The following HECW1 variants were observed in gnomAD, a reference collection of about 807,000 sequenced individuals.
HECW1 encodes the protein E3 ubiquitin-protein ligase HECW1.
HECW1 carries 61 observed loss-of-function variants against 182.3 expected under a neutral mutation model. That is an observed-to-expected ratio of 0.33 (90% CI 0.27 to 0.41). HECW1 has a LOEUF of 0.41. HECW1 is among the 10% of genes least tolerant of loss of function. The probability of loss-of-function intolerance (pLI) is 1.00; values close to 1 mark genes in which losing one functional copy is unlikely to be tolerated. For synonymous variants in HECW1, 859 were observed against 832.6 expected, an observed-to-expected ratio of 1.03 and a Z score of -0.55; for missense variants, 1,739 against 2,108.9, an observed-to-expected ratio of 0.82 and a Z score of 3.44.
At chr7:43,250,948 C>T (rs1436186668) in intron 3 of HECW1, among the ~76,000 whole-genome samples, 1 of 152,190 alleles carries the variant, frequency 6.6e-6, no homozygotes, top group Non-Finnish European at 1.5e-5. Context: ...ACAACTCCTA[C>T]TTAGCTCACC....
At chr7:43,331,406 T>C (rs1584505507) in intron 5 of HECW1, among the ~76,000 whole-genome samples, 1 of 151,600 alleles carries the variant, frequency 6.6e-6, no homozygotes, top group Admixed American at 6.6e-5. Context: ...CTGGCTAACA[T>C]GGTGAAACCC....
chr7:43,550,387 C>G, intron 26 of HECW1, 58 bp from the exon 27 acceptor site: 1 of 1,591,614 alleles, frequency 6.3e-7, no homozygotes, highest in Non-Finnish European at 8.6e-7. Context: ...AATCAGTGTG[C>G]CTCCCTGAGA....
chr7:43,374,773 C>CAAAAAAAAAAAA (rs66910107), intron 6 of HECW1, among the ~76,000 whole-genome samples: 2 of 14,496 alleles, frequency 1.4e-4, no homozygotes, highest in Non-Finnish European at 1.8e-4. Context: ...GACTCCGTCT[C>CAAAAAAAAAAAA]AAAAAAAAAA....
chr7:43,355,046 GC>G (rs1180128490), intron 5 of HECW1, among the ~76,000 whole-genome samples: 1 of 146,534 alleles, frequency 6.8e-6, no homozygotes, highest in Non-Finnish European at 1.5e-5. Flanking sequence ...AAAAAAAACT[GC>G]CTCCCAGGAA....
At position 43,151,211 on chromosome 7, in the gene HECW1, C is replaced by T. The variant is rs1371141950; in HGVS notation, c.-32+36820C>T. Among the ~76,000 whole-genome samples the T allele has an allele frequency of 3.3e-5, 5 of 152,156 alleles. No individual in the cohort carries two copies. The East Asian group carries it at 7.7e-4, about 23-fold the overall frequency. On this transcript the variant is annotated intron_variant, in intron 2 of 29. Transcript: ENST00000395891. Reference sequence around the variant, plus strand: ...AAAATTCCCAACTGGGTGCAGCTGGCTACACCTTTTCTTCCCCAGGTGACA... The same window carrying T: ...AAAATTCCCAACTGGGTGCAGCTGGTTACACCTTTTCTTCCCCAGGTGACA...
chr7:43,520,183 G>C (rs2152937747), intron 24 of HECW1, among the ~76,000 whole-genome samples: 1 of 152,282 alleles, frequency 6.6e-6, no homozygotes, highest in East Asian at 1.9e-4. Flanking sequence ...CTACACATGA[G>C]CTCCTGGCAT....
intron 14 of HECW1, 94 bp downstream of exon 14, chr7:43,463,893 T>C (rs2077670952): frequency 7.1e-7 from 1 of 1,416,830 alleles, no homozygotes; most frequent in Non-Finnish European, 9.8e-7. Context: ...TGGGGAGCAA[T>C]GTGCCCCAGG....
At chr7:43,327,343 T>TC (rs1005608201) in intron 5 of HECW1, among the ~76,000 whole-genome samples, 3 of 151,898 alleles carry the variant, frequency 2.0e-5, no homozygotes, top group Admixed American at 6.6e-5. Flanking sequence ...AAACCAAGAC[T>TC]CCCCCCACCG....
At position 43,565,291 on chromosome 7, in the gene HECW1, A is replaced by C. The variant is rs1015603874; in HGVS notation, c.*3365A>C. 3.4e-5 allele frequency: 7 copies of C among 207,206 alleles called. No individual in the cohort carries two copies. Among genetic ancestry groups the C allele is most frequent in the African/African-American group, 1.6e-4 (7 of 43,880 alleles). 12.8% of individuals were successfully genotyped at this position (207,206 alleles called of 1,614,324 possible). A position where few individuals can be genotyped will look rare whatever the true frequency, so the allele number is the denominator to read the frequency against. Reference sequence around the variant, plus strand: ...GAAAAAGAGACATATGATTTGGGGGAGCAGGCGTTAAACATGCAAGATCTA... The same window carrying C: ...GAAAAAGAGACATATGATTTGGGGGCGCAGGCGTTAAACATGCAAGATCTA... On this transcript the variant is annotated 3_prime_UTR_variant, in exon 30 of 30. Transcript: ENST00000395891.
rs796382271 is a variant in HECW1, at chr7:43,112,952, C to G, written c.-267+15C>G. ...GGGCTGCCAAGGTAAGCGGGCGTAGCGCGGGGACACTGTCTGCCGCCCCTT... is the reference window on the plus strand; with the variant it reads ...GGGCTGCCAAGGTAAGCGGGCGTAGGGCGGGGACACTGTCTGCCGCCCCTT... On this transcript the variant is annotated intron_variant, in intron 1 of 29. Coordinates refer to ENST00000395891, the MANE Select transcript of HECW1 (RefSeq NM_015052.5). The G allele has an allele frequency of 6.6e-5, 14 of 210,566 alleles. No homozygotes were observed. The highest frequency in any genetic ancestry group is 2.9e-4 in the African/African-American group (13 of 44,074). 13.0% of individuals were successfully genotyped at this position (210,566 alleles called of 1,614,324 possible). A position where few individuals can be genotyped will look rare whatever the true frequency, so the allele number is the denominator to read the frequency against.
chr7:43,272,323 G>T (rs1802506920), intron 3 of HECW1, among the ~76,000 whole-genome samples: 1 of 152,044 alleles, frequency 6.6e-6, no homozygotes, highest in Admixed American at 6.6e-5. Flanking sequence ...AAAAACAAAA[G>T]TTGACAAGTG....
At chr7:43,274,268 A>G (rs1008126426) in intron 3 of HECW1, 3 of 981,224 alleles carry the variant, frequency 3.1e-6, no homozygotes, top group Non-Finnish European at 4.4e-6. Flanking sequence ...CGCCTAAATC[A>G]TGTCGTCGCC....
chr7:43,339,500 A>C (rs867339500), intron 5 of HECW1, among the ~76,000 whole-genome samples: 32 of 152,306 alleles, frequency 2.1e-4, no homozygotes, highest in Middle Eastern at 6.8e-3. Flanking sequence ...GCTGTACTTA[A>C]TATATCCATT....
At chr7:43,115,209 T>C (rs1475306258) in intron 2 of HECW1, among the ~76,000 whole-genome samples, 1 of 152,008 alleles carries the variant, frequency 6.6e-6, no homozygotes, top group Non-Finnish European at 1.5e-5. Context: ...GACTGTAGAA[T>C]CTGCGGCTTA....
intron 2 of HECW1, among the ~76,000 whole-genome samples, chr7:43,203,644 G>A (rs551290823): frequency 6.6e-6 from 1 of 152,232 alleles, no homozygotes; most frequent in South Asian, 2.1e-4. Context: ...TTTTAGTAGA[G>A]ACAGGGTTTC....
intron 2 of HECW1, among the ~76,000 whole-genome samples, chr7:43,176,237 C>T (rs1285964640): frequency 1.3e-5 from 2 of 152,124 alleles, no homozygotes; most frequent in African/African-American, 2.4e-5. Flanking sequence ...AAGAAACTCT[C>T]AATGTCTCCT....
intron 2 of HECW1, among the ~76,000 whole-genome samples, chr7:43,220,711 T>C (rs1796867765): frequency 6.6e-6 from 1 of 152,234 alleles, no homozygotes. Flanking sequence ...GCTGAGCAGG[T>C]ACATTAAAGA....
intron 24 of HECW1, among the ~76,000 whole-genome samples, chr7:43,534,899 A>T (rs889340719): frequency 6.6e-6 from 1 of 152,218 alleles, no homozygotes; most frequent in African/African-American, 2.4e-5. Flanking sequence ...AAGAAACTAG[A>T]CATGCCAGTC....
intron 2 of HECW1, among the ~76,000 whole-genome samples, chr7:43,225,095 T>C (rs560991340): frequency 3.9e-4 from 59 of 152,146 alleles, no homozygotes; most frequent in African/African-American, 1.4e-3. Context: ...AGGTGACACA[T>C]TGGAGGTTTG....
Sources: gnomAD v4.1 joint callset for allele counts (sites outside exome capture counted in the v4.1 genomes callset) on GRCh38, gnomAD v4.1.1 for gene constraint, MANE v1.5 for transcripts, NCBI Gene and HGNC (gene_info 2026-07-23, HGNC 2026-07-21) for gene names.